The following KLHL2 variants were observed in gnomAD, a reference collection of about 807,000 sequenced individuals.
KLHL2 encodes the protein kelch like family member 2, also known as kelch-like protein 2.
A neutral mutation model predicts 75.8 loss-of-function variants in KLHL2; 15 were observed. The ratio of observed to expected loss-of-function variants is 0.20; its 90% CI spans 0.13 to 0.30. The LOEUF (loss-of-function observed/expected upper bound fraction) is 0.30. Among genes scored for constraint, KLHL2 ranks in the 10% least tolerant of loss-of-function variants. KLHL2 has a pLI of 1.00. For synonymous variants in KLHL2, 214 were observed against 251.9 expected, an observed-to-expected ratio of 0.85 and a Z score of 1.42; for missense variants, 381 against 741.0, an observed-to-expected ratio of 0.51 and a Z score of 5.64.
At chr4:165,293,670 A>ATT (rs35736944) in intron 5 of KLHL2, among the ~76,000 whole-genome samples, 2,520 of 125,924 alleles carry the variant, frequency 0.02, 46 homozygotes, top group African/African-American at 0.045. Context: ...TGCCTGGCTA[A>ATT]TTTTTTTTTT....
chr4:165,208,756 GA>G (rs1363219934), intron 1 of KLHL2, among the ~76,000 whole-genome samples: 1 of 152,024 alleles, frequency 6.6e-6, no homozygotes, highest in East Asian at 1.9e-4. Flanking sequence ...CTTCTCTTAG[GA>G]AGGAACAAGA....
At chr4:165,261,923 T>A (rs1388283261) in intron 4 of KLHL2, among the ~76,000 whole-genome samples, 1 of 152,210 alleles carries the variant, frequency 6.6e-6, no homozygotes, top group Non-Finnish European at 1.5e-5. Context: ...AGATCTTTTT[T>A]TAATGCTAAT....
rs769389125 is a variant in KLHL2, at chr4:165,238,908, A to C, written c.381+9A>C. Reference sequence around the variant, plus strand: ...CAGAAGAAAATGTACAGGTAAGAGTAAACACTTCACACCATCTAGCTTTTT... The same window carrying C: ...CAGAAGAAAATGTACAGGTAAGAGTCAACACTTCACACCATCTAGCTTTTT... On this transcript the variant is annotated intron_variant, in intron 4 of 14. Transcript: ENST00000226725. 2.5e-6 allele frequency: 4 copies of C among 1,609,048 alleles called. No homozygotes were observed. The African/African-American group carries it at 4.0e-5, about 16-fold the overall frequency.
At chr4:165,241,518 T>G (rs1225352016) in intron 4 of KLHL2, among the ~76,000 whole-genome samples, 2 of 152,180 alleles carry the variant, frequency 1.3e-5, no homozygotes, top group African/African-American at 4.8e-5. Flanking sequence ...TTTCTGTAAT[T>G]CAAATGTTTC....
chr4:165,288,682 A>G (rs773644956), intron 5 of KLHL2, among the ~76,000 whole-genome samples: 49 of 152,182 alleles, frequency 3.2e-4, no homozygotes, highest in Non-Finnish European at 6.5e-4. Context: ...AAGCAGTGCT[A>G]CAGTGAATAA....
Position 165,220,059 on chromosome 4 carries a change from G to A in KLHL2, c.152G>A (p.Ser51Asn). ...TTCAAAGTCATGAACGAATTAAGAA[G>A]GTATCATTATACTAATGTACATGCA... ...KAFKVMNELR[S>N]QNLLCDVTIV... Residue 51 changes from serine to asparagine, a missense_variant and splice_region_variant, in exon 2 of 15, where the codon AGT (serine) becomes AAT (asparagine). This residue lies in a region of KLHL2 where 48 missense variants were observed against 88.9 expected (regional missense o/e 0.54). Transcript: ENST00000226725. The A allele has an allele frequency of 6.2e-7, 1 of 1,604,088 alleles. No individual in the cohort carries two copies. Among genetic ancestry groups the A allele is most frequent in the Non-Finnish European group, 8.5e-7 (1 of 1,177,018 alleles).
chr4:165,230,351 C>T (rs1364017026), intron 3 of KLHL2, among the ~76,000 whole-genome samples: 1 of 152,120 alleles, frequency 6.6e-6, no homozygotes, highest in Non-Finnish European at 1.5e-5. Context: ...CTTCAGTTTC[C>T]CCATCTGGAA....
intron 1 of KLHL2, among the ~76,000 whole-genome samples, chr4:165,217,461 C>T (rs948481108): frequency 6.6e-6 from 1 of 152,188 alleles, no homozygotes; most frequent in African/African-American, 2.4e-5. Context: ...TAATTCCCTA[C>T]ACACACACCT....
At chr4:165,209,988 G>T (rs942559353) in intron 1 of KLHL2, 2 of 1,478,346 alleles carry the variant, frequency 1.4e-6, no homozygotes, top group Non-Finnish European at 1.8e-6. Flanking sequence ...CTTGCAGGCA[G>T]TGTCTTTAGG....
At chr4:165,264,753 T>TAC (rs1560784295) in intron 5 of KLHL2, among the ~76,000 whole-genome samples, 4 of 81,672 alleles carry the variant, frequency 4.9e-5, no homozygotes, top group East Asian at 3.4e-4. Flanking sequence ...TATATATATA[T>TAC]ATATATATAT....
intron 5 of KLHL2, among the ~76,000 whole-genome samples, chr4:165,274,624 A>T (rs1257732671): frequency 6.7e-6 from 1 of 148,170 alleles, no homozygotes; most frequent in Non-Finnish European, 1.5e-5. Context: ...AAAAAAAAAA[A>T]ATGGAAGAGC....
At chr4:165,284,085 C>T (rs1455260361) in intron 5 of KLHL2, among the ~76,000 whole-genome samples, 1 of 152,180 alleles carries the variant, frequency 6.6e-6, no homozygotes, top group Non-Finnish European at 1.5e-5. Context: ...CCACTTTTTC[C>T]TCCTAGGCCT....
At chr4:165,279,470 T>C (rs1331894616) in intron 5 of KLHL2, 4 of 1,596,184 alleles carry the variant, frequency 2.5e-6, no homozygotes, top group Admixed American at 1.7e-5. Context: ...ATGTAGAATT[T>C]CCTTAGGGTC....
In KLHL2 at chr4:165,312,424, A is replaced by T. The variant is rs111974477; in HGVS notation, c.1340-814A>T. Among the ~76,000 whole-genome samples the T allele has an allele frequency of 4.0e-3, 511 of 127,220 alleles. 3 individuals are homozygous for T. The highest frequency in any genetic ancestry group is 0.016 in the African/African-American group (489 of 30,130). 83.5% of individuals were successfully genotyped at this position (127,220 alleles called of 152,430 possible). A position where few individuals can be genotyped will look rare whatever the true frequency, so the allele number is the denominator to read the frequency against. ...AAGGAAGGCTCTAAGTATTATTATT[A>T]TTATTTTTTTTTAATTGACTTGGGC... On this transcript the variant is annotated intron_variant, in intron 11 of 14. Transcript: ENST00000226725.
chr4:165,254,616 T>C (rs1741015039), intron 4 of KLHL2, among the ~76,000 whole-genome samples: 2 of 152,218 alleles, frequency 1.3e-5, no homozygotes, highest in Admixed American at 6.5e-5. Flanking sequence ...GTACTTTAGT[T>C]TGAATATATA....
chr4:165,287,301 C>T (rs1352654720), intron 5 of KLHL2, among the ~76,000 whole-genome samples: 1 of 152,122 alleles, frequency 6.6e-6, no homozygotes, highest in Non-Finnish European at 1.5e-5. Flanking sequence ...TGTTCTCAAG[C>T]TTCATCCATG....
At chr4:165,216,938 A>G (rs1578970273) in intron 1 of KLHL2, among the ~76,000 whole-genome samples, 1 of 152,312 alleles carries the variant, frequency 6.6e-6, no homozygotes, top group East Asian at 1.9e-4. Flanking sequence ...AAATAGGTTT[A>G]AGAGAGCACC....
intron 4 of KLHL2, among the ~76,000 whole-genome samples, chr4:165,239,519 C>A (rs149752253): frequency 0.011 from 1,711 of 152,252 alleles, 41 homozygotes; most frequent in East Asian, 0.1. Context: ...CCCTCTTCAG[C>A]CTCCCAAAGT....
chr4:165,292,930 C>T (rs965179689), intron 5 of KLHL2, among the ~76,000 whole-genome samples: 2 of 152,174 alleles, frequency 1.3e-5, no homozygotes, highest in African/African-American at 2.4e-5. Flanking sequence ...AATCCTTACT[C>T]TCTACAGACA....
Sources: gnomAD v4.1 joint callset for allele counts (sites outside exome capture counted in the v4.1 genomes callset) on GRCh38, gnomAD v4.1.1 for gene constraint, gnomAD v4.1.1 regional missense constraint, MANE v1.5 for transcripts, NCBI Gene and HGNC (gene_info 2026-07-23, HGNC 2026-07-21) for gene names.